Variants in KCNQ5 observed in about 807,000 individuals in gnomAD.
The protein encoded by KCNQ5 is potassium voltage-gated channel subfamily KQT member 5.
Under a neutral mutation model 98.2 loss-of-function variants are expected in KCNQ5, and 30 were observed. The ratio of observed to expected loss-of-function variants is 0.31; its 90% CI spans 0.23 to 0.41. KCNQ5 has a LOEUF of 0.41. Among genes scored for constraint, KCNQ5 ranks in the 10% least tolerant of loss-of-function variants. The probability of loss-of-function intolerance (pLI) is 1.00; values close to 1 mark genes in which losing one functional copy is unlikely to be tolerated. For synonymous variants in KCNQ5, 458 were observed against 449.4 expected, an observed-to-expected ratio of 1.02 and a Z score of -0.24; for missense variants, 835 against 1,182.5, an observed-to-expected ratio of 0.71 and a Z score of 4.31.
chr6:72,634,743 T>A (rs2098923000), intron 1 of KCNQ5, among the ~76,000 whole-genome samples: 1 of 152,034 alleles, frequency 6.6e-6, no homozygotes, highest in Non-Finnish European at 1.5e-5. Flanking sequence ...TATTTTTGTA[T>A]TTTTAGTAGA....
At chr6:73,177,238 A>G (rs1326536460) in intron 11 of KCNQ5, among the ~76,000 whole-genome samples, 2 of 152,250 alleles carry the variant, frequency 1.3e-5, no homozygotes, top group Non-Finnish European at 2.9e-5. Flanking sequence ...GCCAGATGGT[A>G]AATAGAACAC....
chr6:72,897,717 G>A (rs112743920), intron 1 of KCNQ5, among the ~76,000 whole-genome samples: 96 of 152,282 alleles, frequency 6.3e-4, no homozygotes, highest in South Asian at 2.3e-3. Context: ...GAGGGAGTAC[G>A]CAAGCTGTGG....
rs80203610 is a variant in KCNQ5 at position 72,988,261 on chromosome 6, C to A, written c.399-15647C>A. Among the ~76,000 whole-genome samples the A allele has an allele frequency of 2.8e-3, 431 of 152,224 alleles. 5 individuals carry two copies. Among genetic ancestry groups the A allele is most frequent in the East Asian group, 0.025 (132 of 5,182 alleles). On this transcript the variant is annotated intron_variant, in intron 1 of 13. Coordinates refer to ENST00000370398, the MANE Select transcript of KCNQ5 (RefSeq NM_019842.4). ...TATTATCCGCATCTTATAGATGAGG[C>A]AAAGGAAGTTCAGGGATAAAGTAAT...
intron 10 of KCNQ5, among the ~76,000 whole-genome samples, chr6:73,156,155 G>C (rs938618026): frequency 6.6e-6 from 1 of 152,162 alleles, no homozygotes. Flanking sequence ...GAGGGTGGCA[G>C]GGGGTGAGTA....
intron 1 of KCNQ5, among the ~76,000 whole-genome samples, chr6:72,935,451 A>T (rs544832955): frequency 6.6e-6 from 1 of 152,214 alleles, no homozygotes; most frequent in South Asian, 2.1e-4. Flanking sequence ...GTATCCCTTT[A>T]AATTTATGAC....
intron 1 of KCNQ5, among the ~76,000 whole-genome samples, chr6:72,705,874 A>G (rs1242825821): frequency 6.6e-6 from 1 of 152,068 alleles, no homozygotes; most frequent in Middle Eastern, 3.2e-3. Context: ...GTAGTATAAG[A>G]TAGAAAAATT....
chr6:72,643,919 G>A (rs1173542380), intron 1 of KCNQ5, among the ~76,000 whole-genome samples: 2 of 152,004 alleles, frequency 1.3e-5, no homozygotes, highest in Admixed American at 6.6e-5. Context: ...TTAGCATCTA[G>A]TTAAATCAAT....
chr6:72,877,236 C>G (rs949423037), intron 1 of KCNQ5, among the ~76,000 whole-genome samples: 1 of 152,022 alleles, frequency 6.6e-6, no homozygotes, highest in African/African-American at 2.4e-5. Flanking sequence ...CCCGACAGGC[C>G]CTGGTGTGTG....
chr6:72,996,687 C>T (rs916269161), intron 1 of KCNQ5, among the ~76,000 whole-genome samples: 1 of 152,088 alleles, frequency 6.6e-6, no homozygotes. Flanking sequence ...ATCTGTATTC[C>T]CCAGCAAGAA....
chr6:72,808,985 C>T (rs563091810), intron 1 of KCNQ5, among the ~76,000 whole-genome samples: 1 of 151,070 alleles, frequency 6.6e-6, no homozygotes, highest in East Asian at 2.0e-4. Flanking sequence ...AGACTTGGAA[C>T]CAACCCAAAT....
intron 3 of KCNQ5, among the ~76,000 whole-genome samples, chr6:73,048,809 T>C (rs1214732268): frequency 6.6e-6 from 1 of 152,204 alleles, no homozygotes; most frequent in Non-Finnish European, 1.5e-5. Context: ...GAACTGGAAT[T>C]AGAATGTGAT....
chr6:72,797,025 A>C (rs1014346960), intron 1 of KCNQ5, among the ~76,000 whole-genome samples: 1 of 152,210 alleles, frequency 6.6e-6, no homozygotes, highest in Non-Finnish European at 1.5e-5. Flanking sequence ...CGTTTTGTCA[A>C]CACACATTAA....
At chr6:72,857,295 A>C (rs1777572330) in intron 1 of KCNQ5, among the ~76,000 whole-genome samples, 2 of 152,170 alleles carry the variant, frequency 1.3e-5, no homozygotes, top group Admixed American at 1.3e-4. Flanking sequence ...TTCCCTAGGC[A>C]TTTATAACTG....
intron 1 of KCNQ5, among the ~76,000 whole-genome samples, chr6:72,905,281 A>T (rs1779656509): frequency 6.6e-6 from 1 of 151,676 alleles, no homozygotes; most frequent in Admixed American, 6.6e-5. Context: ...TTCACTTCTC[A>T]TATCATTTGT....
chr6:72,800,689 G>C (rs1414725364), intron 1 of KCNQ5, among the ~76,000 whole-genome samples: 1 of 152,082 alleles, frequency 6.6e-6, no homozygotes, highest in Non-Finnish European at 1.5e-5. Flanking sequence ...GTTTGCTCTT[G>C]CTTTTCTAGT....
At chr6:72,770,020 C>T (rs545675466) in intron 1 of KCNQ5, among the ~76,000 whole-genome samples, 43 of 152,184 alleles carry the variant, frequency 2.8e-4, no homozygotes, top group African/African-American at 1.0e-3. Context: ...ATAAAAGAAA[C>T]AGAAGCCTGT....
intron 1 of KCNQ5, among the ~76,000 whole-genome samples, chr6:72,887,123 A>G (rs971969600): frequency 1.3e-5 from 2 of 152,160 alleles, no homozygotes; most frequent in Non-Finnish European, 2.9e-5. Context: ...AAGAAGGAAA[A>G]TTTTCTTAAA....
At chr6:72,979,807 A>G (rs1258332600) in intron 1 of KCNQ5, among the ~76,000 whole-genome samples, 1 of 152,184 alleles carries the variant, frequency 6.6e-6, no homozygotes, top group African/African-American at 2.4e-5. Context: ...TTATGGTTTT[A>G]GGTCTAACAT....
Position 72,766,771 on chromosome 6 carries a change from G to T in KCNQ5, c.398+144184G>T, listed in dbSNP as rs576472396. Reference sequence around the variant, plus strand: ...ATGTTGGGGGCAATAAGGGAAGGTTGGGGATCAAATGTTTGCATTTGGGCA... The same window carrying T: ...ATGTTGGGGGCAATAAGGGAAGGTTTGGGATCAAATGTTTGCATTTGGGCA... On this transcript the variant is annotated intron_variant, in intron 1 of 13. Coordinates refer to ENST00000370398, the MANE Select transcript of KCNQ5 (RefSeq NM_019842.4). 2.6e-5 allele frequency among the ~76,000 whole-genome samples: 4 copies of T among 152,018 alleles called. No homozygotes were observed. The South Asian group carries it at 8.3e-4, about 32-fold the overall frequency.
Sources: allele counts gnomAD v4.1 joint callset (sites outside exome capture counted in the v4.1 genomes callset), GRCh38; gene constraint gnomAD v4.1.1; transcripts MANE v1.5; gene names NCBI Gene and HGNC (gene_info 2026-07-23, HGNC 2026-07-21).